The following TMEM106B variants were observed in gnomAD, a reference collection of about 807,000 sequenced individuals.
TMEM106B encodes transmembrane protein 106B.
TMEM106B carries 15 observed loss-of-function variants against 31.1 expected under a neutral mutation model. The observed-to-expected ratio is 0.48, with a 90% CI of 0.32 to 0.74. The LOEUF is 0.74. Ranked by LOEUF, TMEM106B falls within the 30% of genes least tolerant of loss-of-function variation. The probability of loss-of-function intolerance (pLI) is 0.03; values close to 1 mark genes in which losing one functional copy is unlikely to be tolerated. For synonymous variants in TMEM106B, 126 were observed against 112.5 expected, an observed-to-expected ratio of 1.12 and a Z score of -0.76; for missense variants, 283 against 327.3, an observed-to-expected ratio of 0.86 and a Z score of 1.04.
intron 7 of TMEM106B, 91 bp from the exon 8 acceptor site, chr7:12,231,746 G>T: frequency 1.0e-6 from 1 of 994,324 alleles, no homozygotes; most frequent in Non-Finnish European, 1.5e-6. Flanking sequence ...TTCTCTTCTG[G>T]GAGATAATTT....
intron 4 of TMEM106B, among the ~76,000 whole-genome samples, chr7:12,225,028 T>A (rs529918219): frequency 1.2e-4 from 19 of 152,166 alleles, no homozygotes; most frequent in African/African-American, 4.6e-4. Flanking sequence ...TCCCTCCACC[T>A]CACGACAGGC....
At chr7:12,225,790 C>A (rs1030775641) in intron 4 of TMEM106B, among the ~76,000 whole-genome samples, 1 of 152,082 alleles carries the variant, frequency 6.6e-6, no homozygotes, top group African/African-American at 2.4e-5. Context: ...CAAAAATTTT[C>A]TCCCATTCTT....
chr7:12,239,872 T>C lies in TMEM106B; in HGVS notation c.*7897T>C, dbSNP rs1018916887. 6.6e-6 allele frequency: 1 copy of C among 152,092 alleles called. No homozygotes were observed. The highest frequency in any genetic ancestry group is 2.4e-5 in the African/African-American group (1 of 41,414). The allele number at this position is 152,092 out of a possible 1,614,324, so 9.4% of individuals were successfully genotyped here. On this transcript the variant is annotated 3_prime_UTR_variant, in exon 8 of 8. Transcript: ENST00000396668. ...AATAATAATGGAAACATTTGAAATA[T>C]TGCAAAAATTACCAAAATGCGACAG...
chr7:12,214,831 T>C lies in TMEM106B; in HGVS notation c.21T>C (p.His7=). ...TAGACATGGGAAAGTCTCTTTCTCATTTGCCTTTGCATTCAAGCAAAGAAG... is the reference window on the plus strand; with the variant it reads ...TAGACATGGGAAAGTCTCTTTCTCACTTGCCTTTGCATTCAAGCAAAGAAG... MGKSLS[H]LPLHSSKEDA... is the part of the protein sequence containing the mutation. The change falls in exon 2 of 8, where the codon CAT becomes CAC. Residue 7 remains histidine, a synonymous_variant. Coordinates refer to ENST00000396668, the MANE Select transcript of TMEM106B (RefSeq NM_001134232.2). 6.2e-7 allele frequency: 1 copy of C among 1,612,646 alleles called. No individual in the cohort carries two copies. Among genetic ancestry groups the C allele is most frequent in the Non-Finnish European group, 8.5e-7 (1 of 1,179,474 alleles).
chr7:12,224,174 G>A (rs11509153), intron 3 of TMEM106B, 52 bp from the exon 4 acceptor site: 686,504 of 1,521,912 alleles, frequency 0.45, 161,347 homozygotes, highest in African/African-American at 0.66. Flanking sequence ...CTAATGTTGT[G>A]TTATATAATT....
At position 12,239,340 on chromosome 7, in the gene TMEM106B, T is replaced by A. The variant is rs548644997; in HGVS notation, c.*7365T>A. 2 of 151,796 alleles carry A rather than the reference T, an allele frequency of 1.3e-5. No homozygotes were observed. Among genetic ancestry groups the A allele is most frequent in the South Asian group, 4.2e-4 (2 of 4,818 alleles). 9.4% of individuals were successfully genotyped at this position (151,796 alleles called of 1,614,324 possible). ...TCACTTAAGGCAATGTTGTGGCTGG[T>A]TTGATCTATTGAAACCACTAAAACA... is the stretch of plus-strand genomic sequence containing the variant. On this transcript the variant is annotated 3_prime_UTR_variant, in exon 8 of 8. Transcript: ENST00000396668.
At chr7:12,229,227 A>G (rs1193282972) in intron 4 of TMEM106B, among the ~76,000 whole-genome samples, 1 of 152,176 alleles carries the variant, frequency 6.6e-6, no homozygotes, top group Non-Finnish European at 1.5e-5. Context: ...TTACTTAAGC[A>G]TGTGAATGAT....
At chr7:12,226,493 T>G (rs17165750) in intron 4 of TMEM106B, among the ~76,000 whole-genome samples, 1 of 152,038 alleles carries the variant, frequency 6.6e-6, no homozygotes, top group Non-Finnish European at 1.5e-5. Context: ...AGGGATAATA[T>G]TTATTGGCCA....
chr7:12,218,088 A>G (rs1170187624), intron 2 of TMEM106B, among the ~76,000 whole-genome samples: 5 of 152,236 alleles, frequency 3.3e-5, no homozygotes, highest in East Asian at 1.9e-4. Context: ...GGCGATACCA[A>G]TATGTTTCTT....
chr7:12,230,334 A>C (rs1443281193), intron 5 of TMEM106B, 55 bp from the exon 6 acceptor site: 1 of 1,245,064 alleles, frequency 8.0e-7, no homozygotes. Context: ...AGTATATCTG[A>C]AATGTTTGAT....
chr7:12,216,922 T>C (rs11971133), intron 2 of TMEM106B, among the ~76,000 whole-genome samples: 76,129 of 151,704 alleles, frequency 0.5, 19,985 homozygotes, highest in African/African-American at 0.64. Context: ...CAAGAGTGCA[T>C]AGGAGATGTT....
Position 12,225,042 on chromosome 7 carries a change from G to A in TMEM106B, c.441+657G>A, listed in dbSNP as rs1259437450. Among the ~76,000 whole-genome samples the A allele has an allele frequency of 5.9e-5, 9 of 151,780 alleles. No homozygotes were observed. The South Asian group carries it at 6.2e-4, about 11-fold the overall frequency. On this transcript the variant is annotated intron_variant, in intron 4 of 7. Transcript: ENST00000396668. Reference sequence around the variant, plus strand: ...ATCCCTCCACCTCACGACAGGCCTCGGTGTGTGATGTTCCCCTCCCTGTAT... The same window carrying A: ...ATCCCTCCACCTCACGACAGGCCTCAGTGTGTGATGTTCCCCTCCCTGTAT...
Position 12,232,743 on chromosome 7 carries a change from A to T in TMEM106B, c.*768A>T, listed in dbSNP as rs1472656995. The T allele has an allele frequency of 6.6e-6, 1 of 152,302 alleles. No homozygotes were observed. Among genetic ancestry groups the T allele is most frequent in the Non-Finnish European group, 1.5e-5 (1 of 67,784 alleles). The allele number at this position is 152,302 out of a possible 1,614,324, so 9.4% of individuals were successfully genotyped here. A position where few individuals can be genotyped will look rare whatever the true frequency, so the allele number is the denominator to read the frequency against. On this transcript the variant is annotated 3_prime_UTR_variant, in exon 8 of 8. Transcript: ENST00000396668. ...CATGGCTTTTATACAGCTTTAGTAA[A>T]TGTCAAATAAAGTGGTACAGACTCA... is the stretch of plus-strand genomic sequence containing the variant.
chr7:12,215,127 CT>C, intron 2 of TMEM106B, 100 bp downstream of exon 2: 1 of 942,334 alleles, frequency 1.1e-6, no homozygotes, highest in Non-Finnish European at 1.6e-6. Context: ...TTAGAGGACT[CT>C]TAGAATTAAA....
chr7:12,220,119 T>C (rs983022167), intron 3 of TMEM106B, among the ~76,000 whole-genome samples: 1 of 152,178 alleles, frequency 6.6e-6, no homozygotes, highest in Non-Finnish European at 1.5e-5. Context: ...AGCAATGGTG[T>C]GACATATTTA....
At chr7:12,224,131 G>A in intron 3 of TMEM106B, 95 bp from the exon 4 acceptor site, 3 of 1,148,580 alleles carry the variant, frequency 2.6e-6, no homozygotes, top group Middle Eastern at 4.1e-4. Flanking sequence ...ATATGTTGCT[G>A]CTGATATATG....
chr7:12,213,338 T>C (rs1486838048), intron 1 of TMEM106B, among the ~76,000 whole-genome samples: 1 of 152,106 alleles, frequency 6.6e-6, no homozygotes, highest in Non-Finnish European at 1.5e-5. Flanking sequence ...TTTATTGTTG[T>C]TGCGAGTGTT....
In TMEM106B at chr7:12,232,088, C is replaced by T; in HGVS notation, c.*113C>T. On this transcript the variant is annotated 3_prime_UTR_variant, in exon 8 of 8. Coordinates refer to ENST00000396668, the MANE Select transcript of TMEM106B (RefSeq NM_001134232.2). ...AAATTGAACAAACCTAAAGTTTACACTTCTAAGAGTACAGTTAAAAGTATG... is the reference window on the plus strand; with the variant it reads ...AAATTGAACAAACCTAAAGTTTACATTTCTAAGAGTACAGTTAAAAGTATG... 3.1e-6 allele frequency: 3 copies of T among 975,132 alleles called. No individual in the cohort carries two copies. The highest frequency in any genetic ancestry group is 4.4e-6 in the Non-Finnish European group (3 of 682,580). The allele number at this position is 975,132 out of a possible 1,614,324, so 60.4% of individuals were successfully genotyped here.
rs1782222694 is a variant in TMEM106B at position 12,240,578 on chromosome 7, T to G, written c.*8603T>G. On this transcript the variant is annotated 3_prime_UTR_variant, in exon 8 of 8. Coordinates refer to ENST00000396668, the MANE Select transcript of TMEM106B (RefSeq NM_001134232.2). The stretch of plus-strand genomic sequence containing the variant: ...CCAAAATTATCTCTGTAGAATAATA[T>G]GGAAAAACGAAAATGAAAAGATGTA... 6.6e-6 allele frequency: 1 copy of G among 152,126 alleles called. No homozygotes were observed. The highest frequency in any genetic ancestry group is 1.5e-5 in the Non-Finnish European group (1 of 68,032). 9.4% of individuals were successfully genotyped at this position (152,126 alleles called of 1,614,324 possible).
Sources: allele counts gnomAD v4.1 joint callset (sites outside exome capture counted in the v4.1 genomes callset), GRCh38; gene constraint gnomAD v4.1.1; transcripts MANE v1.5; gene names NCBI Gene and HGNC (gene_info 2026-07-23, HGNC 2026-07-21).